Variants in GALNTL6 observed in about 807,000 individuals in gnomAD.
GALNTL6 encodes polypeptide N-acetylgalactosaminyltransferase-like 6.
GALNTL6 carries 46 observed loss-of-function variants against 73.7 expected under a neutral mutation model. The ratio of observed to expected loss-of-function variants is 0.62; its 90% CI spans 0.49 to 0.80. The LOEUF is 0.80. Among genes scored for constraint, GALNTL6 ranks in the 30% least tolerant of loss-of-function variants. GALNTL6 has a pLI of 0.00. For missense variants in GALNTL6, 604 were observed against 755.0 expected (o/e 0.80, Z 2.34); for synonymous variants, 259 against 263.7 (o/e 0.98, Z 0.17).
At chr4:171,927,592 A>G (rs1436474680) in intron 2 of GALNTL6, among the ~76,000 whole-genome samples, 2 of 151,992 alleles carry the variant, frequency 1.3e-5, no homozygotes, top group Non-Finnish European at 2.9e-5. Flanking sequence ...GCAGGATTCT[A>G]GCCTTGGCAC....
At chr4:172,145,064 C>T (rs892851128) in intron 2 of GALNTL6, among the ~76,000 whole-genome samples, 2 of 151,978 alleles carry the variant, frequency 1.3e-5, no homozygotes, top group East Asian at 3.9e-4. Context: ...CTTAGGTGAT[C>T]CTCCCACCTC....
chr4:173,032,400 G>A (rs377252481), intron 12 of GALNTL6, among the ~76,000 whole-genome samples: 5 of 151,200 alleles, frequency 3.3e-5, no homozygotes, highest in African/African-American at 1.2e-4. Context: ...GCAGTGAGCC[G>A]AGATCGTGCC....
At chr4:171,940,607 A>C (rs1215186168) in intron 2 of GALNTL6, among the ~76,000 whole-genome samples, 1 of 152,070 alleles carries the variant, frequency 6.6e-6, no homozygotes, top group East Asian at 1.9e-4. Flanking sequence ...AGATCACTTG[A>C]GGTCAGGAGT....
At chr4:172,324,822 G>T (rs866462783) in intron 4 of GALNTL6, among the ~76,000 whole-genome samples, 2 of 150,538 alleles carry the variant, frequency 1.3e-5, no homozygotes, top group Middle Eastern at 8.1e-3. Context: ...ATTTATAAAG[G>T]ACTCATGAAT....
intron 2 of GALNTL6, among the ~76,000 whole-genome samples, chr4:172,076,431 G>C (rs543407101): frequency 6.6e-6 from 1 of 152,136 alleles, no homozygotes; most frequent in African/African-American, 2.4e-5. Context: ...ATGGTAATAG[G>C]TGTACTGAAT....
intron 5 of GALNTL6, among the ~76,000 whole-genome samples, chr4:172,501,222 G>C (rs1236979439): frequency 6.6e-6 from 1 of 152,154 alleles, no homozygotes; most frequent in Admixed American, 6.5e-5. Context: ...ACTGGGTAAA[G>C]GGTATGTGAA....
chr4:172,648,156 T>G (rs74797004), intron 5 of GALNTL6, among the ~76,000 whole-genome samples: 1 of 152,254 alleles, frequency 6.6e-6, no homozygotes, highest in East Asian at 1.9e-4. Context: ...ACTGGATTAC[T>G]GGAGCCAGAC....
Position 172,857,674 on chromosome 4 carries a change from A to C in GALNTL6, c.924-25116A>C, listed in dbSNP as rs151032010. Among the ~76,000 whole-genome samples the C allele has an allele frequency of 5.8e-4, 88 of 152,354 alleles. 1 individual carries two copies. In the South Asian group the frequency reaches 7.9e-3, roughly 14 times the overall value. On this transcript the variant is annotated intron_variant, in intron 7 of 12. Coordinates refer to ENST00000506823, the MANE Select transcript of GALNTL6 (RefSeq NM_001034845.3). ...ATGACCTGAATTATTGAAAAGGTAC[A>C]TGAATTTAAGGCTAAAGTTTTCTAG...
chr4:172,049,233 T>A (rs534755425), intron 2 of GALNTL6, among the ~76,000 whole-genome samples: 19 of 151,916 alleles, frequency 1.3e-4, no homozygotes, highest in South Asian at 4.2e-4. Context: ...GAAATAAAAA[T>A]TTTTTTTTAT....
intron 5 of GALNTL6, among the ~76,000 whole-genome samples, chr4:172,612,197 A>G (rs1408348791): frequency 6.6e-6 from 1 of 152,078 alleles, no homozygotes; most frequent in African/African-American, 2.4e-5. Flanking sequence ...GGGGTGGGGT[A>G]TCCAAAATGT....
chr4:172,487,192 TTTTCTTTC>T (rs564895002), intron 5 of GALNTL6, among the ~76,000 whole-genome samples: 5 of 151,298 alleles, frequency 3.3e-5, no homozygotes. Flanking sequence ...AAAATCTTCA[TTTTCTTTC>T]TTTCTTTCTT....
In GALNTL6 at chr4:172,103,852, C is replaced by T. The variant is rs75953186; in HGVS notation, c.139-125804C>T. ...CTAGCCAGTTGGCATTAGCCTGATC[C>T]CCTCTTGGGCCTCCATAGTCCAGTT... is the stretch of plus-strand genomic sequence containing the variant. On this transcript the variant is annotated intron_variant, in intron 2 of 12. Transcript: ENST00000506823. Among the ~76,000 whole-genome samples, 1,307 of 152,292 alleles carry T rather than the reference C, an allele frequency of 8.6e-3. 21 individuals are homozygous for T. The highest frequency in any genetic ancestry group is 0.03 in the African/African-American group (1,237 of 41,566).
At chr4:172,333,128 G>A (rs1298479863) in intron 4 of GALNTL6, among the ~76,000 whole-genome samples, 3 of 152,068 alleles carry the variant, frequency 2.0e-5, no homozygotes, top group African/African-American at 2.4e-5. Flanking sequence ...ACTGATGGCC[G>A]GGTGCAGTGG....
At chr4:171,953,069 C>T (rs1738930221) in intron 2 of GALNTL6, among the ~76,000 whole-genome samples, 3 of 151,394 alleles carry the variant, frequency 2.0e-5, no homozygotes, top group South Asian at 2.1e-4. Context: ...TTCAAAGAGG[C>T]GTAAGGACAT....
chr4:171,983,388 C>A (rs779951073), intron 2 of GALNTL6, among the ~76,000 whole-genome samples: 1 of 152,164 alleles, frequency 6.6e-6, no homozygotes. Flanking sequence ...TCAGTATCCA[C>A]ATAACCTGAC....
Position 172,872,465 on chromosome 4 carries a change from A to G in GALNTL6, c.924-10325A>G, listed in dbSNP as rs570033591. Among the ~76,000 whole-genome samples the G allele has an allele frequency of 5.3e-5, 8 of 152,324 alleles. 1 individual carries two copies. In the South Asian group the frequency reaches 1.2e-3, roughly 24 times the overall value. ...ATTTTATTGTGATTTCTAAATCAGC[A>G]TGCTTGAGTTTTAATGTAAATACCT... On this transcript the variant is annotated intron_variant, in intron 7 of 12. Transcript: ENST00000506823.
At chr4:171,892,682 C>T (rs1023974753) in intron 2 of GALNTL6, among the ~76,000 whole-genome samples, 1 of 152,104 alleles carries the variant, frequency 6.6e-6, no homozygotes, top group African/African-American at 2.4e-5. Flanking sequence ...CCACCTCAGC[C>T]TCCCAAGTAG....
intron 5 of GALNTL6, among the ~76,000 whole-genome samples, chr4:172,476,376 G>T (rs1030660731): frequency 3.3e-5 from 5 of 152,128 alleles, no homozygotes; most frequent in Admixed American, 6.5e-5. Flanking sequence ...CCCACATCCC[G>T]ATACCATCAC....
At chr4:172,059,966 C>T (rs1442299257) in intron 2 of GALNTL6, among the ~76,000 whole-genome samples, 1 of 152,102 alleles carries the variant, frequency 6.6e-6, no homozygotes, top group African/African-American at 2.4e-5. Flanking sequence ...GGAGAGGCCT[C>T]AAAAGAAGAC....
Sources: allele counts gnomAD v4.1 joint callset (sites outside exome capture counted in the v4.1 genomes callset), GRCh38; gene constraint gnomAD v4.1.1; transcripts MANE v1.5; gene names NCBI Gene and HGNC (gene_info 2026-07-23, HGNC 2026-07-21).